The following C3 variants were observed in gnomAD, a reference collection of about 807,000 sequenced individuals.
C3 encodes complement C3, also known as C3 and PZP-like alpha-2-macroglobulin domain-containing protein 1.
A neutral mutation model predicts 207.9 loss-of-function variants in C3; 97 were observed. The observed-to-expected ratio is 0.47, with a 90% CI of 0.40 to 0.55. The LOEUF (loss-of-function observed/expected upper bound fraction) is 0.55. Ranked by LOEUF, C3 falls within the 20% of genes least tolerant of loss-of-function variation. C3 has a pLI of 0.00. For missense variants in C3, 1,684 were observed against 2,171.7 expected (o/e 0.78, Z 4.46); for synonymous variants, 848 against 857.6 (o/e 0.99, Z 0.20).
At chr19:6,701,205 T>C (rs1967665928) in intron 19 of C3, among the ~76,000 whole-genome samples, 1 of 152,106 alleles carries the variant, frequency 6.6e-6, no homozygotes, top group Admixed American at 6.6e-5. Context: ...TGCTAGGGAT[T>C]TTCCCCGATG....
intron 9 of C3, 139 bp from the exon 10 acceptor site, chr19:6,712,762 A>G: frequency 1.3e-6 from 1 of 755,486 alleles, no homozygotes; most frequent in East Asian, 2.6e-5. Flanking sequence ...TGTGCCCCCC[A>G]TCAGACTGGA....
chr19:6,693,539 G>A lies in C3; in HGVS notation c.3155-52C>T. The A allele has an allele frequency of 2.6e-6, 4 of 1,543,846 alleles. No homozygotes were observed. The South Asian group carries it at 3.5e-5, about 13-fold the overall frequency. On this transcript the variant is annotated intron_variant, in intron 24 of 40. Coordinates refer to ENST00000245907, the MANE Select transcript of C3 (RefSeq NM_000064.4). ...AAAGAGCCGGGGCTGAGCAGAGGGG[G>A]CACGCCAGAAAGGGCAGGGGCGGGG... is the stretch of plus-strand genomic sequence containing the variant.
At chr19:6,702,697 A>G in intron 17 of C3, 118 bp from the exon 18 acceptor site, 1 of 755,454 alleles carries the variant, frequency 1.3e-6, no homozygotes, top group South Asian at 1.4e-5. Flanking sequence ...CAGGAGTTGG[A>G]GACCAGCCTA....
chr19:6,718,015 C>T, intron 4 of C3, 79 bp downstream of exon 4: 1 of 1,412,694 alleles, frequency 7.1e-7, no homozygotes, highest in Non-Finnish European at 1.0e-6. Flanking sequence ...TCCGGTGTGT[C>T]TTTCTCTGTC....
At chr19:6,682,737 T>C (rs770028986) in intron 33 of C3, 3 of 186,294 alleles carry the variant, frequency 1.6e-5, no homozygotes, top group Non-Finnish European at 3.4e-5. Context: ...CCTTTCAAAG[T>C]CCATCAGTGA....
intron 26 of C3, among the ~76,000 whole-genome samples, chr19:6,691,507 G>A (rs1599504948): frequency 6.6e-6 from 1 of 152,164 alleles, no homozygotes. Flanking sequence ...AGCATACTAG[G>A]TGGCAGAAAC....
At chr19:6,703,117 G>A (rs1343273591) in intron 17 of C3, among the ~76,000 whole-genome samples, 1 of 152,162 alleles carries the variant, frequency 6.6e-6, no homozygotes, top group Admixed American at 6.5e-5. Flanking sequence ...CTGCCCAGGA[G>A]GGATTCCTAG....
At chr19:6,678,103 TG>T in intron 40 of C3, 48 bp downstream of exon 40, 2 of 1,613,870 alleles carry the variant, frequency 1.2e-6, no homozygotes, top group Non-Finnish European at 1.7e-6. Flanking sequence ...GGGCGTGGCA[TG>T]GGCGGGGCAG....
intron 20 of C3, 22 bp downstream of exon 20, chr19:6,697,629 GC>G (rs1334718471): frequency 6.2e-7 from 1 of 1,614,096 alleles, no homozygotes; most frequent in Non-Finnish European, 8.5e-7. Context: ...CCTCCAAGAA[GC>G]CTCTGCCACC....
At position 6,711,097 on chromosome 19, in the gene C3, G is replaced by A; in HGVS notation, c.1369C>T (p.His457Tyr). Residue 457 changes from histidine (H) to tyrosine (Y), a missense_variant, in exon 12 of 41, where the codon CAT becomes TAT. His to Tyr is a moderately conservative substitution (Grantham distance 83). Coordinates refer to ENST00000245907, the MANE Select transcript of C3 (RefSeq NM_000064.4). The part of the protein sequence containing the change: ...STVGNSNNYL[H>Y]LSVLRTELRP... ...AGCTCTGTACGTAGCACTGAGAGAT[G>A]CAGGTAATTGTTGGAGTTGCCCACG... 1 of 1,614,082 alleles carries A rather than the reference G, an allele frequency of 6.2e-7. No individual in the cohort carries two copies. Among genetic ancestry groups the A allele is most frequent in the Non-Finnish European group, 8.5e-7 (1 of 1,179,986 alleles).
intron 25 of C3, 50 bp from the exon 26 acceptor site, chr19:6,693,133 G>A (rs1275997559): frequency 2.5e-6 from 4 of 1,601,280 alleles, no homozygotes; most frequent in Non-Finnish European, 3.4e-6. Flanking sequence ...TCCAGAGACT[G>A]CCATGTCAAC....
chr19:6,692,966 C>T lies in C3; in HGVS notation c.3348G>A (p.Gly1116=), dbSNP rs1489342445. The T allele has an allele frequency of 1.2e-6, 2 of 1,614,162 alleles. No individual in the cohort carries two copies. The highest frequency in any genetic ancestry group is 2.2e-5 in the East Asian group (1 of 44,876). ...TCACGGGCGCATCCTCCTGGAAGAC[C>T]CCGTCGGGCTTCTGCTTCTCCAGGA... ...WLILEKQKPD[G]VFQEDAPVIH... Residue 1116 remains glycine, a synonymous_variant, in exon 26 of 41, where the codon GGG becomes GGA. Coordinates refer to ENST00000245907, the MANE Select transcript of C3 (RefSeq NM_000064.4).
At position 6,681,669 on chromosome 19, in the gene C3, A is replaced by T. The variant is rs187007442; in HGVS notation, c.4350+272T>A. On this transcript the variant is annotated intron_variant, in intron 35 of 40. Transcript: ENST00000245907. ...AGCACTTAAAAAAAAAACCAAAAAA[A>T]CCAAAAGGGCTTTTTTTCAATGGTT... 2.3e-3 allele frequency among the ~76,000 whole-genome samples: 351 copies of T among 152,260 alleles called. 7 individuals are homozygous for T. Among genetic ancestry groups the T allele is most frequent in the Admixed American group, 0.02 (302 of 15,294 alleles).
rs754344203 is a variant in C3, at chr19:6,685,065, G to A, written c.3892C>T (p.Leu1298Phe). 2 of 1,614,020 alleles carry A rather than the reference G, an allele frequency of 1.2e-6. No individual in the cohort carries two copies. Among genetic ancestry groups the A allele is most frequent in the Non-Finnish European group, 1.7e-6 (2 of 1,179,962 alleles). Reference protein sequence around the residue: ...DHQELNLDVSLQLPSRSSKIT... With the variant: ...DHQELNLDVSFQLPSRSSKIT... ...TTGGAGCTGCGGCTGGGCAGTTGGA[G>A]GGACACATCAAGGTTCAGTTCCTGG... Residue 1298 changes from leucine (L) to phenylalanine (F), a missense_variant, in exon 30 of 41, where the codon CTC (leucine) becomes TTC (phenylalanine). Coordinates refer to ENST00000245907, the MANE Select transcript of C3 (RefSeq NM_000064.4).
intron 37 of C3, 46 bp downstream of exon 37, chr19:6,679,361 G>A (rs1254024885): frequency 1.3e-6 from 2 of 1,510,238 alleles, no homozygotes; most frequent in South Asian, 1.1e-5. Flanking sequence ...ACCTGGGTAA[G>A]TGTGGCTTGC....
intron 19 of C3, among the ~76,000 whole-genome samples, chr19:6,699,701 A>G (rs1967605471): frequency 6.6e-6 from 1 of 152,140 alleles, no homozygotes; most frequent in South Asian, 2.1e-4. Context: ...ACTGAATTGT[A>G]AAACACATGC....
At chr19:6,683,891 C>T (rs992365164) in intron 33 of C3, among the ~76,000 whole-genome samples, 8 of 152,170 alleles carry the variant, frequency 5.3e-5, no homozygotes, top group African/African-American at 1.9e-4. Flanking sequence ...GCTAGGAGTT[C>T]GAGACCAGCC....
At chr19:6,681,572 A>G (rs747879728) in intron 35 of C3, among the ~76,000 whole-genome samples, 2 of 151,888 alleles carry the variant, frequency 1.3e-5, no homozygotes, top group African/African-American at 2.4e-5. Context: ...AACAGAAGAG[A>G]GAAATAGATC....
At chr19:6,679,257 G>T in intron 37 of C3, 49 bp from the exon 38 acceptor site, 15 of 1,546,866 alleles carry the variant, frequency 9.7e-6, no homozygotes, top group Non-Finnish European at 1.3e-5. Flanking sequence ...CTTATCTGGG[G>T]CCTACTGCCC....
Sources: allele counts gnomAD v4.1 joint callset (sites outside exome capture counted in the v4.1 genomes callset), GRCh38; gene constraint gnomAD v4.1.1; transcripts MANE v1.5; gene names NCBI Gene and HGNC (gene_info 2026-07-23, HGNC 2026-07-21).